The following SULT1C4 variants were observed in gnomAD, a reference collection of about 807,000 sequenced individuals.
The protein encoded by SULT1C4 is sulfotransferase 1C4.
SULT1C4 carries 32 observed loss-of-function variants against 34.8 expected under a neutral mutation model. The ratio of observed to expected loss-of-function variants is 0.92; its 90% CI spans 0.69 to 1.23. The LOEUF is 1.23. Among genes scored for constraint, SULT1C4 ranks in the 50% most tolerant of loss-of-function variants. The pLI is 0.00. For synonymous variants in SULT1C4, 111 were observed against 120.5 expected (o/e 0.92, Z 0.51); for missense variants, 375 against 365.9 (o/e 1.02, Z -0.20).
Position 108,383,231 on chromosome 2 carries a change from TA to T in SULT1C4, c.520+13del, listed in dbSNP as rs759305757. On this transcript the variant is annotated intron_variant, in intron 4 of 6. Transcript: ENST00000272452. Reference sequence around the variant, plus strand: ...TCTGGCTGGGAAAGGTGAGAGAATTTAGCTTTGTTTCCCTTCGTTTCTCAAA... The same window carrying T: ...TCTGGCTGGGAAAGGTGAGAGAATTTGCTTTGTTTCCCTTCGTTTCTCAAA... 24 of 1,606,720 alleles carry T rather than the reference TA, an allele frequency of 1.5e-5. No individual in the cohort carries two copies. The Admixed American group carries it at 2.3e-4, about 15-fold the overall frequency.
At chr2:108,386,919 A>C (rs1451592513) in intron 6 of SULT1C4, among the ~76,000 whole-genome samples, 1 of 152,138 alleles carries the variant, frequency 6.6e-6, no homozygotes, top group Non-Finnish European at 1.5e-5. Context: ...GGGAGGTCTT[A>C]TTTTTTCTTC....
intron 6 of SULT1C4, among the ~76,000 whole-genome samples, chr2:108,387,081 C>A (rs1039516839): frequency 6.6e-6 from 1 of 152,172 alleles, no homozygotes; most frequent in Admixed American, 6.5e-5. Flanking sequence ...TGTAACATGG[C>A]GGTCTCGCCC....
At position 108,378,345 on chromosome 2, in the gene SULT1C4, T is replaced by C. The variant is rs770841161; in HGVS notation, c.8T>C (p.Leu3Ser). Residue 3 changes from leucine (L) to serine (S), a missense_variant, in exon 1 of 7, where the codon TTA (leucine) becomes TCA (serine). By Grantham distance (145) the Leu-to-Ser change is moderately radical. Coordinates refer to ENST00000272452, the MANE Select transcript of SULT1C4 (RefSeq NM_006588.4). Reference protein sequence around the residue: MALHDMEDFTFDG... With the variant: MASHDMEDFTFDG... ...CTCTGATTTCTTACACTAATGGCCT[T>C]ACACGACATGGAGGATTTTACATTT... is the stretch of plus-strand genomic sequence containing the variant. 2 of 1,613,778 alleles carry C rather than the reference T, an allele frequency of 1.2e-6. No individual in the cohort carries two copies. The highest frequency in any genetic ancestry group is 1.7e-6 in the Non-Finnish European group (2 of 1,179,782).
chr2:108,383,002 A>C (rs1266337740), intron 3 of SULT1C4, 91 bp from the exon 4 acceptor site: 6 of 1,416,234 alleles, frequency 4.2e-6, no homozygotes, highest in Non-Finnish European at 4.7e-6. Flanking sequence ...ATCTACCCTA[A>C]CATGACTTGC....
chr2:108,386,661 C>A (rs1316405086), intron 6 of SULT1C4, among the ~76,000 whole-genome samples: 1 of 152,144 alleles, frequency 6.6e-6, no homozygotes, highest in Admixed American at 6.5e-5. Flanking sequence ...TCAGATAGGG[C>A]AAAGAATCCA....
rs762309040 is a variant in SULT1C4, at chr2:108,382,375, A to G, written c.296-10A>G. 12 of 1,606,648 alleles carry G rather than the reference A, an allele frequency of 7.5e-6. No individual in the cohort carries two copies. Among genetic ancestry groups the G allele is most frequent in the Non-Finnish European group, 1.0e-5 (12 of 1,177,152 alleles). On this transcript the variant is annotated splice_polypyrimidine_tract_variant and intron_variant, in intron 2 of 6. Coordinates refer to ENST00000272452, the MANE Select transcript of SULT1C4 (RefSeq NM_006588.4). ...AAATCGTAGAAATTGATCGAAAACC[A>G]GTTTTGCAGGTTTGGAACAAGCTCA... is the stretch of plus-strand genomic sequence containing the variant.
intron 5 of SULT1C4, among the ~76,000 whole-genome samples, chr2:108,385,758 TCTC>T (rs1176251889): frequency 1.5e-4 from 23 of 152,082 alleles, no homozygotes; most frequent in African/African-American, 4.3e-4. Context: ...ACTTCTCTCC[TCTC>T]CTCCTGCCAT....
chr2:108,378,459 T>TCCAAG lies in SULT1C4; in HGVS notation c.130_134dup (p.Asp46SerfsTer21), dbSNP rs751424467. 8.7e-6 allele frequency: 14 copies of TCCAAG among 1,614,184 alleles called. No individual in the cohort carries two copies. The South Asian group carries it at 1.4e-4, about 16-fold the overall frequency. On this transcript the variant is annotated frameshift_variant, in exon 1 of 7. Transcript: ENST00000272452. LOFTEE classifies it high-confidence loss of function. ...GACATCTGGGATAAGATCTGGAACTTCCAAGCCAAGCCTGATGACCTGCTT... is the reference window on the plus strand; with the variant it reads ...GACATCTGGGATAAGATCTGGAACTTCCAAGCCAAGCCAAGCCTGATGACCTGCTT...
Position 108,383,513 on chromosome 2 carries a change from G to A in SULT1C4, c.615+3G>A. 1 of 1,613,584 alleles carries A rather than the reference G, an allele frequency of 6.2e-7. No individual in the cohort carries two copies. Among genetic ancestry groups the A allele is most frequent in the Non-Finnish European group, 8.5e-7 (1 of 1,179,648 alleles). ...TCTTCTATGAGGACATGAAGAAGGT[G>A]AGCACAGTGCCATCTAAGGTGTACC... On this transcript the variant is annotated splice_donor_region_variant and intron_variant, in intron 5 of 6. Transcript: ENST00000272452.
chr2:108,381,120 G>T (rs1455801466), intron 1 of SULT1C4, among the ~76,000 whole-genome samples: 1 of 152,168 alleles, frequency 6.6e-6, no homozygotes, highest in African/African-American at 2.4e-5. Context: ...CTCTATAGCA[G>T]ATCACAATTT....
At chr2:108,385,051 G>A (rs1011383759) in intron 5 of SULT1C4, among the ~76,000 whole-genome samples, 4 of 152,136 alleles carry the variant, frequency 2.6e-5, no homozygotes, top group African/African-American at 9.7e-5. Context: ...ATTTTCATGT[G>A]GTTTTTAAAA....
rs1678630233 is a variant in SULT1C4 at position 108,388,573 on chromosome 2, T to C, written c.*1141T>C. Among the ~76,000 whole-genome samples the C allele has an allele frequency of 6.6e-6, 1 of 152,218 alleles. No homozygotes were observed. Among genetic ancestry groups the C allele is most frequent in the Non-Finnish European group, 1.5e-5 (1 of 68,038 alleles). The stretch of plus-strand genomic sequence containing the variant: ...AAGGTTATTTTCCTTAAAAAGACTC[T>C]TATTATGTTGTTCCTTAGCTCAAAA... On this transcript the variant is annotated 3_prime_UTR_variant, in exon 7 of 7. Transcript: ENST00000272452.
rs1678428866 is a variant in SULT1C4 at position 108,382,385 on chromosome 2, GT to G, written c.299del (p.Leu100TrpfsTer13). 1 of 1,612,564 alleles carries G rather than the reference GT, an allele frequency of 6.2e-7. No individual in the cohort carries two copies. The highest frequency in any genetic ancestry group is 8.5e-7 in the Non-Finnish European group (1 of 1,179,550). ...LEMKIPSLGS[G>X]LEQAHAMPSP... Reference sequence around the variant, plus strand: ...AATTGATCGAAAACCAGTTTTGCAGGTTTGGAACAAGCTCATGCAATGCCCT... The same window carrying G: ...AATTGATCGAAAACCAGTTTTGCAGGTTGGAACAAGCTCATGCAATGCCCT... On this transcript the variant is annotated frameshift_variant and splice_region_variant, in exon 3 of 7. Transcript: ENST00000272452. LOFTEE classifies it high-confidence loss of function.
intron 6 of SULT1C4, among the ~76,000 whole-genome samples, chr2:108,387,089 C>A (rs900524534): frequency 2.0e-5 from 3 of 152,216 alleles, no homozygotes; most frequent in Non-Finnish European, 2.9e-5. Flanking sequence ...GGCGGTCTCG[C>A]CCACCCACTA....
chr2:108,380,591 G>A (rs765811931), intron 1 of SULT1C4, among the ~76,000 whole-genome samples: 3 of 152,158 alleles, frequency 2.0e-5, no homozygotes, highest in South Asian at 4.1e-4. Flanking sequence ...AGAACATCTG[G>A]TGCAACAGAT....
chr2:108,385,214 T>C (rs888868781), intron 5 of SULT1C4, among the ~76,000 whole-genome samples: 2 of 152,308 alleles, frequency 1.3e-5, no homozygotes, highest in East Asian at 1.9e-4. Flanking sequence ...TCCAGGCAGA[T>C]GATGTTTCCC....
At chr2:108,385,166 T>C (rs1342175579) in intron 5 of SULT1C4, among the ~76,000 whole-genome samples, 1 of 152,242 alleles carries the variant, frequency 6.6e-6, no homozygotes, top group African/African-American at 2.4e-5. Context: ...TACTTTGTTT[T>C]TACTTGGTAC....
chr2:108,381,952 C>T, intron 2 of SULT1C4, 65 bp downstream of exon 2: 1 of 1,396,472 alleles, frequency 7.2e-7, no homozygotes, highest in East Asian at 2.7e-5. Flanking sequence ...ACTGTCTTTG[C>T]ACCTTTCGAA....
chr2:108,382,062 A>G (rs1678415751), intron 2 of SULT1C4, 175 bp downstream of exon 2: 1 of 709,410 alleles, frequency 1.4e-6, no homozygotes, highest in Non-Finnish European at 2.1e-6. Context: ...TAATGGAATT[A>G]CTGTTTGTAC....
Sources: gnomAD v4.1 joint callset for allele counts (sites outside exome capture counted in the v4.1 genomes callset) on GRCh38, gnomAD v4.1.1 for gene constraint, MANE v1.5 for transcripts, NCBI Gene and HGNC (gene_info 2026-07-23, HGNC 2026-07-21) for gene names.